Variants in PMM2 observed in about 807,000 individuals in gnomAD.
The protein encoded by PMM2 is phosphomannomutase 2.
PMM2 carries 35 observed loss-of-function variants against 33.2 expected under a neutral mutation model. The observed-to-expected ratio is 1.06, with a 90% CI of 0.81 to 1.40. The LOEUF (loss-of-function observed/expected upper bound fraction) is 1.40. Ranked by LOEUF, PMM2 falls within the 40% of genes most tolerant of loss-of-function variation. The pLI, the probability that PMM2 is intolerant of heterozygous loss-of-function variation, is 0.00. For missense variants in PMM2, 386 were observed against 306.0 expected, an observed-to-expected ratio of 1.26 and a Z score of -1.95; for synonymous variants, 153 against 114.7, an observed-to-expected ratio of 1.33 and a Z score of -2.13.
chr16:8,834,396 G>T (rs1453480895), intron 7 of PMM2, among the ~76,000 whole-genome samples: 3 of 152,016 alleles, frequency 2.0e-5, no homozygotes, highest in South Asian at 4.2e-4. Flanking sequence ...CTAAACTGAG[G>T]AATTATGTCT....
At chr16:8,825,680 G>T (rs572467080) in intron 7 of PMM2, among the ~76,000 whole-genome samples, 1 of 151,988 alleles carries the variant, frequency 6.6e-6, no homozygotes, top group East Asian at 1.9e-4. Context: ...TGACTGTAGG[G>T]TAACATTTTC....
chr16:8,842,118 C>G (rs2060894711), intron 7 of PMM2: 1 of 150,696 alleles, frequency 6.6e-6, no homozygotes, highest in African/African-American at 2.4e-5. Context: ...ACCGCACTAA[C>G]CATGCCTAGG....
At chr16:8,836,224 G>A (rs1040728260) in intron 7 of PMM2, among the ~76,000 whole-genome samples, 27 of 152,038 alleles carry the variant, frequency 1.8e-4, no homozygotes, top group Admixed American at 4.6e-4. Context: ...AGAGTTACCC[G>A]ATGCTCGGCG....
intron 1 of PMM2, among the ~76,000 whole-genome samples, chr16:8,800,283 C>G (rs1039014895): frequency 2.0e-5 from 3 of 151,160 alleles, no homozygotes; most frequent in Admixed American, 6.6e-5. Context: ...ATCGCTTGAA[C>G]CCAGGAAGTG....
chr16:8,844,543 G>T (rs1596507585), intron 7 of PMM2, among the ~76,000 whole-genome samples: 1 of 152,148 alleles, frequency 6.6e-6, no homozygotes, highest in East Asian at 1.9e-4. Flanking sequence ...GAAAGAAGGG[G>T]TTGGGGTCCT....
At chr16:8,837,983 C>T (rs921622977) in intron 7 of PMM2, among the ~76,000 whole-genome samples, 1 of 152,060 alleles carries the variant, frequency 6.6e-6, no homozygotes, top group Non-Finnish European at 1.5e-5. Context: ...CATGCGCGTC[C>T]GTGTGAAGAG....
intron 3 of PMM2, among the ~76,000 whole-genome samples, chr16:8,805,586 A>AT (rs56945546): frequency 4.0e-4 from 58 of 143,262 alleles, no homozygotes; most frequent in African/African-American, 6.6e-4. Context: ...CACTATAAGC[A>AT]TTTTTTTTTT....
chr16:8,838,025 G>T (rs1168599466), intron 7 of PMM2, among the ~76,000 whole-genome samples: 1 of 152,134 alleles, frequency 6.6e-6, no homozygotes, highest in Non-Finnish European at 1.5e-5. Flanking sequence ...GAGCAACATG[G>T]CTGTTTATTT....
intron 4 of PMM2, chr16:8,810,740 CTATTTTTTG>C (rs1170269151): frequency 1.4e-5 from 5 of 365,732 alleles, no homozygotes; most frequent in Admixed American, 8.1e-5. Flanking sequence ...CCATGCCAGG[CTATTTTTTG>C]TATTTTTTGT....
At chr16:8,843,474 C>A (rs1404544238) in intron 7 of PMM2, among the ~76,000 whole-genome samples, 1 of 150,996 alleles carries the variant, frequency 6.6e-6, no homozygotes, top group Non-Finnish European at 1.5e-5. Context: ...ACAGATGGGA[C>A]ACGGCTTAGG....
chr16:8,805,666 C>T (rs1408175029), intron 3 of PMM2, among the ~76,000 whole-genome samples: 1 of 151,768 alleles, frequency 6.6e-6, no homozygotes, highest in Non-Finnish European at 1.5e-5. Flanking sequence ...AATCCTGGCT[C>T]ACTGTAACCT....
At chr16:8,832,965 C>CCCCGACCACACCACAGACT in intron 7 of PMM2, 1 of 963,684 alleles carries the variant, frequency 1.0e-6, no homozygotes, top group Non-Finnish European at 1.2e-6. Flanking sequence ...TGACTGGTCT[C>CCCCGACCACACCACAGACT]CCCAGGGCAG....
chr16:8,804,489 C>G (rs572585376), intron 2 of PMM2, among the ~76,000 whole-genome samples: 7 of 152,282 alleles, frequency 4.6e-5, no homozygotes, highest in East Asian at 1.9e-4. Flanking sequence ...GTATCTTCCT[C>G]TACAGACAGT....
At chr16:8,801,257 C>T (rs971176495) in intron 1 of PMM2, among the ~76,000 whole-genome samples, 4 of 152,208 alleles carry the variant, frequency 2.6e-5, no homozygotes, top group African/African-American at 7.2e-5. Flanking sequence ...CAGCTACTAA[C>T]ATATTACCTG....
rs148759949 is a variant in PMM2, at chr16:8,847,771, C to A, written c.687C>A (p.Tyr229Ter). The change falls in exon 8 of 8, where the codon TAC (tyrosine) becomes TAA (stop). Residue 229 changes from tyrosine (Y) to a stop codon, truncating the protein, a stop_gained. Coordinates refer to ENST00000268261, the MANE Select transcript of PMM2 (RefSeq NM_000303.3). LOFTEE classifies it high-confidence loss of function. Reference sequence around the variant, plus strand: ...TCACAGACCCCAGAACCATGGGCTACTCCGTGACAGCGCCTGAGGACACGC... The same window carrying A: ...TCACAGACCCCAGAACCATGGGCTAATCCGTGACAGCGCCTGAGGACACGC... Reference protein sequence around the residue: ...EIFTDPRTMGYSVTAPEDTRR... With the variant: ...EIFTDPRTMG The A allele has an allele frequency of 1.2e-6, 2 of 1,614,108 alleles. No homozygotes were observed. Among genetic ancestry groups the A allele is most frequent in the Non-Finnish European group, 1.7e-6 (2 of 1,179,990 alleles).
intron 7 of PMM2, among the ~76,000 whole-genome samples, chr16:8,824,013 A>G (rs2060752325): frequency 2.0e-5 from 3 of 152,232 alleles, no homozygotes; most frequent in Admixed American, 2.0e-4. Context: ...CCCTTGCACA[A>G]ATAATTATAC....
At chr16:8,804,284 C>T (rs184639937) in intron 2 of PMM2, among the ~76,000 whole-genome samples, 156 of 151,464 alleles carry the variant, frequency 1.0e-3, no homozygotes, top group African/African-American at 3.6e-3. Flanking sequence ...AGTAAAACCC[C>T]GCCAGCCTCA....
intron 7 of PMM2, among the ~76,000 whole-genome samples, chr16:8,814,164 C>T (rs544823963): frequency 4.6e-5 from 7 of 152,142 alleles, no homozygotes; most frequent in African/African-American, 1.7e-4. Flanking sequence ...TTAGTACAGA[C>T]AGGGTTTCAT....
chr16:8,842,984 G>T (rs2060899983), intron 7 of PMM2, among the ~76,000 whole-genome samples: 1 of 152,168 alleles, frequency 6.6e-6, no homozygotes, highest in South Asian at 2.1e-4. Flanking sequence ...CTTTGGGTTG[G>T]GGAGAAGGGC....
Sources: allele counts gnomAD v4.1 joint callset (sites outside exome capture counted in the v4.1 genomes callset), GRCh38; gene constraint gnomAD v4.1.1; transcripts MANE v1.5; gene names NCBI Gene and HGNC (gene_info 2026-07-23, HGNC 2026-07-21).